Variants in SLC44A1 observed in about 807,000 individuals in gnomAD.
The protein encoded by SLC44A1 is solute carrier family 44 member 1, also known as choline transporter-like protein 1.
In SLC44A1, 26 loss-of-function variants were observed where a neutral mutation model predicts 79.3. That is an observed-to-expected ratio of 0.33 (90% CI 0.24 to 0.46). The LOEUF (loss-of-function observed/expected upper bound fraction) is 0.46, where lower values mean the gene tolerates loss of function less well. Among genes scored for constraint, SLC44A1 ranks in the 20% least tolerant of loss-of-function variants. SLC44A1 has a pLI of 1.00. For synonymous variants in SLC44A1, 263 were observed against 286.2 expected (o/e 0.92, Z 0.82); for missense variants, 688 against 798.1 (o/e 0.86, Z 1.66).
Position 105,374,156 on chromosome 9 carries a change from G to A in SLC44A1, c.1495-442G>A, listed in dbSNP as rs1193277151. Among the ~76,000 whole-genome samples, 3 of 152,226 alleles carry A rather than the reference G, an allele frequency of 2.0e-5. No homozygotes were observed. In the East Asian group the frequency reaches 5.8e-4, roughly 29 times the overall value. Reference sequence around the variant, plus strand: ...GATAGAAGAAAGCCACCAAGGAGGAGATAGTGGATAGTCCAGATAAAACAC... The same window carrying A: ...GATAGAAGAAAGCCACCAAGGAGGAAATAGTGGATAGTCCAGATAAAACAC... On this transcript the variant is annotated intron_variant, in intron 12 of 15. Transcript: ENST00000374720.
chr9:105,275,466 A>G (rs570663092), intron 1 of SLC44A1, among the ~76,000 whole-genome samples: 9 of 152,340 alleles, frequency 5.9e-5, no homozygotes, highest in Admixed American at 2.0e-4. Flanking sequence ...GAGCCATGCA[A>G]TGGGATAAAT....
intron 2 of SLC44A1, among the ~76,000 whole-genome samples, chr9:105,302,101 A>G (rs574544493): frequency 1.3e-5 from 2 of 152,042 alleles, no homozygotes; most frequent in East Asian, 3.9e-4. Flanking sequence ...CTAATGCTTG[A>G]GTTGTCTAGA....
intron 12 of SLC44A1, among the ~76,000 whole-genome samples, chr9:105,369,207 C>G (rs910103310): frequency 6.6e-6 from 1 of 152,164 alleles, no homozygotes; most frequent in Non-Finnish European, 1.5e-5. Flanking sequence ...ATACCATACA[C>G]TAGGTGGCTT....
chr9:105,282,921 A>G (rs1830393012), intron 1 of SLC44A1, among the ~76,000 whole-genome samples: 1 of 152,188 alleles, frequency 6.6e-6, no homozygotes, highest in Non-Finnish European at 1.5e-5. Flanking sequence ...TCATCTTCAT[A>G]TACAGCAGTC....
intron 5 of SLC44A1, among the ~76,000 whole-genome samples, chr9:105,354,474 A>T (rs1168090994): frequency 6.6e-6 from 1 of 152,236 alleles, no homozygotes; most frequent in Admixed American, 6.5e-5. Context: ...CAATTATTTG[A>T]ATACCTGTAA....
chr9:105,267,440 T>C (rs1014737045), intron 1 of SLC44A1, among the ~76,000 whole-genome samples: 3 of 152,134 alleles, frequency 2.0e-5, no homozygotes, highest in African/African-American at 7.2e-5. Context: ...TGGATTTTTT[T>C]CCCCCCATTT....
chr9:105,324,042 C>CGGG (rs1826488478), intron 3 of SLC44A1, among the ~76,000 whole-genome samples: 1 of 152,086 alleles, frequency 6.6e-6, no homozygotes, highest in Admixed American at 6.6e-5. Flanking sequence ...TGCTCTGTCG[C>CGGG]CCAGGCTGGA....
rs147203232 is a variant in SLC44A1, at chr9:105,438,130, C to CTGTGTGTGTGTGTG, written c.1951-141_1951-128dup. 3,980 of 496,080 alleles carry CTGTGTGTGTGTGTG rather than the reference C, an allele frequency of 8.0e-3. 117 individuals are homozygous for CTGTGTGTGTGTGTG. The highest frequency in any genetic ancestry group is 0.071 in the African/African-American group (3,570 of 50,266). 30.7% of individuals were successfully genotyped at this position (496,080 alleles called of 1,614,324 possible). Reference sequence around the variant, plus strand: ...CAGATATCTTTTTAAATTTGTTAATCTGTGTGTGTGTGTGTGTGTGTGTAG... The same window carrying CTGTGTGTGTGTGTG: ...CAGATATCTTTTTAAATTTGTTAATCTGTGTGTGTGTGTGTGTGTGTGTGTGTGTGTGTGTGTAG... On this transcript the variant is annotated intron_variant, in intron 15 of 15. Transcript: ENST00000374724.
intron 1 of SLC44A1, among the ~76,000 whole-genome samples, chr9:105,297,775 A>G (rs773105687): frequency 2.4e-4 from 36 of 152,172 alleles, no homozygotes; most frequent in Non-Finnish European, 2.4e-4. Flanking sequence ...AGAGAGAACT[A>G]AGCCTGGTTG....
chr9:105,353,184 T>TA (rs1027873587), intron 5 of SLC44A1, among the ~76,000 whole-genome samples: 5 of 152,192 alleles, frequency 3.3e-5, no homozygotes, highest in Non-Finnish European at 7.4e-5. Flanking sequence ...TGTTTTTTTT[T>TA]AACTGACATA....
intron 1 of SLC44A1, among the ~76,000 whole-genome samples, chr9:105,286,809 A>G (rs416641): frequency 0.14 from 21,196 of 151,974 alleles, 1,961 homozygotes; most frequent in African/African-American, 0.26. Context: ...ACAAAAAATA[A>G]CAATATCAGC....
At chr9:105,303,837 T>A (rs1304430390) in intron 2 of SLC44A1, among the ~76,000 whole-genome samples, 1 of 152,244 alleles carries the variant, frequency 6.6e-6, no homozygotes, top group Non-Finnish European at 1.5e-5. Context: ...TCTCAGGCTC[T>A]GACCAAATCG....
chr9:105,336,459 A>T (rs1422978159), intron 4 of SLC44A1, among the ~76,000 whole-genome samples: 1 of 152,200 alleles, frequency 6.6e-6, no homozygotes, highest in African/African-American at 2.4e-5. Flanking sequence ...CCTCAGGTCC[A>T]CATGGCTTGC....
chr9:105,342,224 C>A (rs1422927896), intron 4 of SLC44A1, among the ~76,000 whole-genome samples: 2 of 152,110 alleles, frequency 1.3e-5, no homozygotes, highest in Non-Finnish European at 2.9e-5. Flanking sequence ...AAAAATAATT[C>A]ATAAGTTTTA....
chr9:105,356,423 G>C, intron 6 of SLC44A1, 42 bp downstream of exon 6: 1 of 1,377,712 alleles, frequency 7.3e-7, no homozygotes, highest in Non-Finnish European at 1.0e-6. Context: ...TAGTATTGCA[G>C]AAGAAGACTG....
chr9:105,301,503 C>T (rs757830173), intron 2 of SLC44A1, among the ~76,000 whole-genome samples: 6 of 152,204 alleles, frequency 3.9e-5, no homozygotes, highest in Non-Finnish European at 7.4e-5. Flanking sequence ...TTCCTTGGCA[C>T]AACAGAGATT....
At chr9:105,312,626 C>T (rs750786417) in intron 3 of SLC44A1, among the ~76,000 whole-genome samples, 6 of 152,058 alleles carry the variant, frequency 3.9e-5, no homozygotes, top group African/African-American at 7.2e-5. Context: ...CCATAAAGAC[C>T]GTTCCATTTA....
chr9:105,256,799 A>ATTTTATTTTATTTTATTTTATTTTATTT (rs1829719389), intron 1 of SLC44A1, among the ~76,000 whole-genome samples: 1 of 79,626 alleles, frequency 1.3e-5, no homozygotes, highest in African/African-American at 4.0e-5. Flanking sequence ...TTATTTTATT[A>ATTTTATTTTATTTTATTTTATTTTATTT]TTTTTTGAGA....
At chr9:105,250,356 CA>C (rs1449603134) in intron 1 of SLC44A1, among the ~76,000 whole-genome samples, 1 of 152,058 alleles carries the variant, frequency 6.6e-6, no homozygotes, top group Non-Finnish European at 1.5e-5. Flanking sequence ...ACTATACTAT[CA>C]AATACTATTT....
Sources: allele counts gnomAD v4.1 joint callset (sites outside exome capture counted in the v4.1 genomes callset), GRCh38; gene constraint gnomAD v4.1.1; transcripts MANE v1.5; gene names NCBI Gene and HGNC (gene_info 2026-07-23, HGNC 2026-07-21).